SNX29: variants seen among roughly 807,000 people sequenced by gnomAD.
SNX29 encodes sorting nexin-29.
SNX29 carries 78 observed loss-of-function variants against 102.1 expected under a neutral mutation model. That is an observed-to-expected ratio of 0.76 (90% CI 0.64 to 0.92). The LOEUF (loss-of-function observed/expected upper bound fraction) is 0.92. SNX29 is among the 40% of genes least tolerant of loss of function. The pLI is 0.00. For synonymous variants in SNX29, 580 were observed against 414.5 expected (o/e 1.40, Z -4.85); for missense variants, 1,280 against 1,061.7 (o/e 1.21, Z -2.86).
At chr16:12,085,855 A>G (rs1282536112) in intron 11 of SNX29, among the ~76,000 whole-genome samples, 3 of 152,194 alleles carry the variant, frequency 2.0e-5, no homozygotes, top group African/African-American at 7.2e-5. Flanking sequence ...AATGAGGCTT[A>G]GGAGGGTAAG....
intron 13 of SNX29, chr16:12,135,774 G>A (rs2054637329): frequency 2.3e-6 from 1 of 434,016 alleles, no homozygotes; most frequent in Admixed American, 3.6e-5. Context: ...ATACTCATAA[G>A]AGTCCTGACT....
At position 12,562,773 on chromosome 16, in the gene SNX29, T is replaced by A. The variant is rs115822719; in HGVS notation, c.2319-5733T>A. Among the ~76,000 whole-genome samples, 593 of 152,160 alleles carry A rather than the reference T, an allele frequency of 3.9e-3. 2 individuals carry two copies. The highest frequency in any genetic ancestry group is 0.013 in the African/African-American group (525 of 41,524). ...CTTGAGTTTTCACAAAGGCTTGGAG[T>A]CCTTTAGCCATCACCATCAAGATGT... is the stretch of plus-strand genomic sequence containing the variant. On this transcript the variant is annotated intron_variant, in intron 20 of 20. Coordinates refer to ENST00000566228, the MANE Select transcript of SNX29 (RefSeq NM_032167.5).
At chr16:12,562,529 GAC>G (rs1223004278) in intron 20 of SNX29, among the ~76,000 whole-genome samples, 2 of 152,180 alleles carry the variant, frequency 1.3e-5, no homozygotes, top group Non-Finnish European at 2.9e-5. Flanking sequence ...GCTGGTGAAT[GAC>G]ACAGCCAGGA....
rs1481036099 is a variant in SNX29, at chr16:12,046,440, C to T, written c.485C>T (p.Pro162Leu). ...VMDEERSSML[P>L]TMAAGLNSIL... ...GATGAAGAAAGGTCCAGTATGCTTC[C>T]TACCATGGCAGCAGGTAAGCCTGGC... The change falls in exon 6 of 21, where the codon CCT becomes CTT. Residue 162 changes from proline to leucine, a missense_variant. By Grantham distance (98) the Pro-to-Leu change is moderately conservative. Transcript: ENST00000566228. The T allele has an allele frequency of 5.6e-6, 9 of 1,613,770 alleles. No individual in the cohort carries two copies. Among genetic ancestry groups the T allele is most frequent in the Non-Finnish European group, 7.6e-6 (9 of 1,179,744 alleles).
intron 18 of SNX29, among the ~76,000 whole-genome samples, chr16:12,435,036 T>C (rs2085476306): frequency 6.6e-6 from 1 of 152,082 alleles, no homozygotes; most frequent in Admixed American, 6.5e-5. Flanking sequence ...CCAGGTCATA[T>C]ACCAGGAGCT....
chr16:12,438,266 C>T (rs573792578), intron 18 of SNX29, among the ~76,000 whole-genome samples: 64 of 152,312 alleles, frequency 4.2e-4, no homozygotes, highest in Non-Finnish European at 6.8e-4. Flanking sequence ...GTCCCAGCCC[C>T]ACCTGGTTTC....
chr16:12,040,958 C>T (rs1315423653), intron 4 of SNX29, among the ~76,000 whole-genome samples: 9 of 151,308 alleles, frequency 5.9e-5, no homozygotes, highest in Non-Finnish European at 7.4e-5. Context: ...GGACTACAGG[C>T]GTGCGCCACC....
rs2052859081 is a variant in SNX29 at position 12,098,382 on chromosome 16, A to G, written c.1402+19467A>G. Among the ~76,000 whole-genome samples, 1 of 152,102 alleles carries G rather than the reference A, an allele frequency of 6.6e-6. No individual in the cohort carries two copies. The highest frequency in any genetic ancestry group is 1.5e-5 in the Non-Finnish European group (1 of 68,014). Reference sequence around the variant, plus strand: ...TTGCTCCCCGTCCAGGACTCTAACCATTGGAGTTCACCTTCTGGAAGAACG... The same window carrying G: ...TTGCTCCCCGTCCAGGACTCTAACCGTTGGAGTTCACCTTCTGGAAGAACG... On this transcript the variant is annotated intron_variant, in intron 11 of 20. Coordinates refer to ENST00000566228, the MANE Select transcript of SNX29 (RefSeq NM_032167.5). The surrounding 1 kb of genome is among the most constrained non-coding windows in gnomAD (Gnocchi z 6.0).
At chr16:12,400,544 A>G (rs1205656996) in intron 17 of SNX29, among the ~76,000 whole-genome samples, 1 of 152,176 alleles carries the variant, frequency 6.6e-6, no homozygotes, top group Non-Finnish European at 1.5e-5. Flanking sequence ...CAACTTGGCC[A>G]ACTCTAAATA....
intron 17 of SNX29, among the ~76,000 whole-genome samples, chr16:12,400,138 A>G (rs886393516): frequency 2.1e-4 from 32 of 152,228 alleles, no homozygotes; most frequent in African/African-American, 7.5e-4. Flanking sequence ...CATCTACACT[A>G]AAGCCAGAGG....
intron 10 of SNX29, among the ~76,000 whole-genome samples, chr16:12,077,260 C>T (rs886321622): frequency 2.0e-5 from 3 of 149,090 alleles, no homozygotes; most frequent in Non-Finnish European, 3.0e-5. Context: ...GCCTAGTTAA[C>T]GGAGTGAGAA....
At chr16:12,169,072 G>T (rs557590074) in intron 13 of SNX29, among the ~76,000 whole-genome samples, 461 of 152,368 alleles carry the variant, frequency 3.0e-3, no homozygotes, top group Non-Finnish European at 4.8e-3. Flanking sequence ...GAGGTTTCTT[G>T]TGCAGGTGAT....
At chr16:12,253,742 A>G (rs2078488662) in intron 14 of SNX29, among the ~76,000 whole-genome samples, 1 of 152,024 alleles carries the variant, frequency 6.6e-6, no homozygotes, top group African/African-American at 2.4e-5. Flanking sequence ...CGCAGGTGGG[A>G]ATGAGAAGGG....
intron 9 of SNX29, among the ~76,000 whole-genome samples, chr16:12,066,579 A>G (rs2051048428): frequency 6.6e-6 from 1 of 152,184 alleles, no homozygotes; most frequent in Non-Finnish European, 1.5e-5. Context: ...CACGGAGGTG[A>G]GAACTGTAGC....
At position 12,283,517 on chromosome 16, in the gene SNX29, C is replaced by G. The variant is rs1285431252; in HGVS notation, c.1782+5481C>G. On this transcript the variant is annotated intron_variant, in intron 15 of 20. Transcript: ENST00000566228. Reference sequence around the variant, plus strand: ...GTATTTTTAGTAGAGATGGGGATTTCACCATGTTGGTCAGGATGGTCTTGA... The same window carrying G: ...GTATTTTTAGTAGAGATGGGGATTTGACCATGTTGGTCAGGATGGTCTTGA... Among the ~76,000 whole-genome samples, 5 of 152,020 alleles carry G rather than the reference C, an allele frequency of 3.3e-5. No homozygotes were observed. In the South Asian group the frequency reaches 1.0e-3, roughly 32 times the overall value.
At chr16:12,116,436 C>T (rs1353833623) in intron 11 of SNX29, among the ~76,000 whole-genome samples, 2 of 152,158 alleles carry the variant, frequency 1.3e-5, no homozygotes, top group East Asian at 3.8e-4. Context: ...CTTTGGGAGG[C>T]CAAGGCGGGG....
At position 12,159,697 on chromosome 16, in the gene SNX29, T is replaced by G. The variant is rs1289387736; in HGVS notation, c.1595+29939T>G. ...CAACATAAGGAGACCCTGTCTCTATTAAAAATAAGTACATTTAGAAATAAA... is the reference window on the plus strand; with the variant it reads ...CAACATAAGGAGACCCTGTCTCTATGAAAAATAAGTACATTTAGAAATAAA... On this transcript the variant is annotated intron_variant, in intron 13 of 20. Transcript: ENST00000566228. Among the ~76,000 whole-genome samples the G allele has an allele frequency of 2.6e-5, 4 of 152,112 alleles. No individual in the cohort carries two copies. In the East Asian group the frequency reaches 7.7e-4, roughly 29 times the overall value.
At chr16:11,996,389 G>A (rs117182046) in intron 1 of SNX29, among the ~76,000 whole-genome samples, 2,897 of 152,118 alleles carry the variant, frequency 0.019, 33 homozygotes, top group Non-Finnish European at 0.032. Context: ...AGAAAAAAAC[G>A]CCAAAAAATA....
intron 19 of SNX29, among the ~76,000 whole-genome samples, chr16:12,523,098 G>A (rs1360874462): frequency 6.6e-6 from 1 of 152,208 alleles, no homozygotes; most frequent in Non-Finnish European, 1.5e-5. Context: ...AGGTGTGTGA[G>A]CCACCACACC....
Sources: allele counts gnomAD v4.1 joint callset (sites outside exome capture counted in the v4.1 genomes callset), GRCh38; gene constraint gnomAD v4.1.1; non-coding constraint Gnocchi (gnomAD v3.1); transcripts MANE v1.5; gene names NCBI Gene and HGNC (gene_info 2026-07-23, HGNC 2026-07-21).